EFCAB3: variants seen among roughly 807,000 people sequenced by gnomAD.
The protein encoded by EFCAB3 is EF-hand calcium-binding domain-containing protein 3.
A neutral mutation model predicts 42.2 loss-of-function variants in EFCAB3; 36 were observed. The ratio of observed to expected loss-of-function variants is 0.85; its 90% CI spans 0.65 to 1.13. The LOEUF (loss-of-function observed/expected upper bound fraction) is 1.13. Ranked by LOEUF, EFCAB3 falls within the 50% of genes most tolerant of loss-of-function variation. The pLI is 0.00. For synonymous variants in EFCAB3, 170 were observed against 172.8 expected (o/e 0.98, Z 0.13); for missense variants, 418 against 505.1 (o/e 0.83, Z 1.65).
chr17:62,378,900 G>A (rs1480967581), upstream of EFCAB3, among the ~76,000 whole-genome samples: 2 of 136,188 alleles, frequency 1.5e-5, no homozygotes, highest in African/African-American at 5.0e-5. Context: ...TTCTGCACAT[G>A]TGTCCCAGAA....
Position 62,416,161 on chromosome 17 carries a change from T to C in EFCAB3, c.1149T>C (p.Asn383=), listed in dbSNP as rs1292351806. Residue 383 remains asparagine (N), a synonymous_variant, in exon 10 of 10, where the codon AAT becomes AAC. Coordinates refer to ENST00000305286, the MANE Select transcript of EFCAB3 (RefSeq NM_173503.4). ...DTFSTYTWSW[N]VCQELLSPKD... is the part of the protein sequence containing the mutation. ...TTTCTACTTATACATGGTCCTGGAA[T>C]GTTTGCCAAGAATTACTTTCTCCTA... 1 of 1,613,998 alleles carries C rather than the reference T, an allele frequency of 6.2e-7. No homozygotes were observed.
At chr17:62,389,354 C>A (rs2070283102) in intron 3 of EFCAB3, among the ~76,000 whole-genome samples, 1 of 152,158 alleles carries the variant, frequency 6.6e-6, no homozygotes, top group African/African-American at 2.4e-5. Context: ...GAAAGACACA[C>A]TCACAATCTA....
Position 62,416,277 on chromosome 17 carries a change from C to T in EFCAB3, c.1265C>T (p.Thr422Ile), listed in dbSNP as rs1305915759. The T allele has an allele frequency of 1.9e-6, 3 of 1,613,358 alleles. No individual in the cohort carries two copies. In the African/African-American group the frequency reaches 4.0e-5, roughly 22 times the overall value. The change falls in exon 10 of 10, where the codon ACA becomes ATA. Residue 422 changes from threonine (T) to isoleucine (I), a missense_variant. By Grantham distance (89) the Thr-to-Ile change is moderately conservative (BLOSUM62 -1). Transcript: ENST00000305286. ...TCATCAGATACCAGTGAATGTTACACAGACTCAGGAAGAAAAAGAAAACGG... is the reference window on the plus strand; with the variant it reads ...TCATCAGATACCAGTGAATGTTACATAGACTCAGGAAGAAAAAGAAAACGG... ...SSSSDTSECY[T>I]DSGRKRKRKG...
intron 8 of EFCAB3, among the ~76,000 whole-genome samples, chr17:62,411,868 G>GGAAGGAAGGAAGGAAA (rs2070499895): frequency 2.0e-4 from 4 of 20,396 alleles, no homozygotes; most frequent in Non-Finnish European, 1.0e-3. Flanking sequence ...AAGGAAGGAA[G>GGAAGGAAGGAAGGAAA]GAAGGAAGGA....
chr17:62,414,644 C>T (rs1415545408), intron 9 of EFCAB3, among the ~76,000 whole-genome samples: 1 of 151,668 alleles, frequency 6.6e-6, no homozygotes, highest in Non-Finnish European at 1.5e-5. Flanking sequence ...TTTAGATCCA[C>T]GGGGTACATG....
chr17:62,376,971 G>A (rs996638615), upstream of EFCAB3, among the ~76,000 whole-genome samples: 2 of 152,090 alleles, frequency 1.3e-5, no homozygotes, highest in African/African-American at 4.8e-5. Flanking sequence ...ATGTTGCCAC[G>A]TGCAGTGTCT....
chr17:62,371,113 A>G (rs1476701130), intron 1 of EFCAB3, among the ~76,000 whole-genome samples: 1 of 147,732 alleles, frequency 6.8e-6, no homozygotes, highest in East Asian at 2.0e-4. Context: ...AAAAAAAAAA[A>G]AGAGCAGATT....
intron 8 of EFCAB3, among the ~76,000 whole-genome samples, chr17:62,409,933 C>G (rs554884454): frequency 1.4e-4 from 22 of 152,280 alleles, no homozygotes; most frequent in Admixed American, 2.0e-4. Flanking sequence ...GGTGCAGTGG[C>G]TCATGCCTGT....
At chr17:62,406,428 T>C (rs779820863) in intron 6 of EFCAB3, 52 bp from the exon 7 acceptor site, 1 of 1,462,590 alleles carries the variant, frequency 6.8e-7, no homozygotes, top group African/African-American at 1.4e-5. Flanking sequence ...TTTTTAAAAT[T>C]TTTGTCCTAT....
intron 8 of EFCAB3, among the ~76,000 whole-genome samples, chr17:62,410,598 A>G (rs2070486957): frequency 6.6e-6 from 1 of 151,998 alleles, no homozygotes; most frequent in South Asian, 2.1e-4. Context: ...TACAAAATAT[A>G]TATATAAATA....
At chr17:62,406,089 C>T (rs1385698369) in intron 6 of EFCAB3, among the ~76,000 whole-genome samples, 1 of 148,018 alleles carries the variant, frequency 6.8e-6, no homozygotes, top group Non-Finnish European at 1.5e-5. Flanking sequence ...GAGGTCAGAG[C>T]TGGACATGAT....
At chr17:62,393,692 A>G (rs755693731) in intron 5 of EFCAB3, 48 bp downstream of exon 5, 2 of 1,490,020 alleles carry the variant, frequency 1.3e-6, no homozygotes, top group East Asian at 2.3e-5. Context: ...GCTACAACTC[A>G]CTGCACAGCA....
chr17:62,412,381 AAG>A (rs1157408821), intron 8 of EFCAB3, among the ~76,000 whole-genome samples: 1 of 151,576 alleles, frequency 6.6e-6, no homozygotes, highest in Admixed American at 6.6e-5. Flanking sequence ...AAAAAAAAAA[AAG>A]AATGTTTGAC....
At chr17:62,403,343 A>G (rs928734964) in intron 6 of EFCAB3, among the ~76,000 whole-genome samples, 1 of 152,182 alleles carries the variant, frequency 6.6e-6, no homozygotes, top group Non-Finnish European at 1.5e-5. Flanking sequence ...GAAACACCCT[A>G]GTGTAAGAAA....
At chr17:62,384,508 A>T (rs1382952308) in intron 2 of EFCAB3, among the ~76,000 whole-genome samples, 11 of 152,104 alleles carry the variant, frequency 7.2e-5, no homozygotes, top group Non-Finnish European at 1.5e-4. Context: ...CCAGCTACTC[A>T]AGGGGCTGAG....
chr17:62,414,935 C>T (rs1024980267), intron 9 of EFCAB3, among the ~76,000 whole-genome samples: 1 of 151,950 alleles, frequency 6.6e-6, no homozygotes, highest in African/African-American at 2.4e-5. Flanking sequence ...GAAACCCCGT[C>T]TCTACTAAAA....
At chr17:62,405,901 T>A (rs892527382) in intron 6 of EFCAB3, among the ~76,000 whole-genome samples, 1 of 152,198 alleles carries the variant, frequency 6.6e-6, no homozygotes, top group Non-Finnish European at 1.5e-5. Context: ...CTTTTCTTTT[T>A]TATACTTTTC....
chr17:62,393,080 C>T (rs1168520797), intron 4 of EFCAB3, among the ~76,000 whole-genome samples: 1 of 152,202 alleles, frequency 6.6e-6, no homozygotes, highest in African/African-American at 2.4e-5. Context: ...ACATCAGTTC[C>T]ACCTGTCATT....
chr17:62,390,143 G>A (rs981123490), intron 3 of EFCAB3, among the ~76,000 whole-genome samples: 22 of 152,170 alleles, frequency 1.4e-4, no homozygotes, highest in African/African-American at 4.8e-4. Context: ...AGCAATAGCC[G>A]GAGGGGGAAA....
Sources: allele counts gnomAD v4.1 joint callset (sites outside exome capture counted in the v4.1 genomes callset), GRCh38; gene constraint gnomAD v4.1.1; transcripts MANE v1.5; gene names NCBI Gene and HGNC (gene_info 2026-07-23, HGNC 2026-07-21).